FUT9: variants seen among roughly 807,000 people sequenced by gnomAD.
FUT9 encodes the protein 4-galactosyl-N-acetylglucosaminide 3-alpha-L-fucosyltransferase 9.
FUT9 carries 15 observed loss-of-function variants against 29.7 expected under a neutral mutation model. The ratio of observed to expected loss-of-function variants is 0.51; its 90% CI spans 0.34 to 0.78. The LOEUF is 0.78. Ranked by LOEUF, FUT9 falls within the 30% of genes least tolerant of loss-of-function variation. FUT9 has a pLI of 0.01. For synonymous variants in FUT9, 169 were observed against 153.7 expected (o/e 1.10, Z -0.74); for missense variants, 319 against 425.4 (o/e 0.75, Z 2.20).
chr6:96,149,185 C>T (rs1212672106), intron 2 of FUT9, among the ~76,000 whole-genome samples: 1 of 151,424 alleles, frequency 6.6e-6, no homozygotes, highest in African/African-American at 2.4e-5. Context: ...TTTTGAACTA[C>T]TTGAAAATAA....
chr6:96,193,988 G>A (rs1432190031), intron 2 of FUT9, among the ~76,000 whole-genome samples: 2 of 152,138 alleles, frequency 1.3e-5, no homozygotes, highest in South Asian at 2.1e-4. Context: ...TCACTCATAG[G>A]TGGGAATTGA....
At chr6:96,143,907 GC>G (rs35860924) in intron 2 of FUT9, among the ~76,000 whole-genome samples, 30,218 of 152,034 alleles carry the variant, frequency 0.2, 3,452 homozygotes, top group East Asian at 0.31. Context: ...CCACCCAACT[GC>G]TTTTAATTTT....
chr6:96,179,023 G>A (rs534533694), intron 2 of FUT9, among the ~76,000 whole-genome samples: 7 of 152,088 alleles, frequency 4.6e-5, no homozygotes, highest in African/African-American at 1.7e-4. Context: ...AAGAATCTGG[G>A]TCTTATTTTA....
intron 1 of FUT9, among the ~76,000 whole-genome samples, chr6:96,081,204 A>T (rs534429700): frequency 6.6e-6 from 1 of 152,010 alleles, no homozygotes; most frequent in Non-Finnish European, 1.5e-5. Context: ...TAAATAAAAC[A>T]ATATCAATAA....
At chr6:96,194,378 GGACTACT>G (rs1180462901) in intron 2 of FUT9, among the ~76,000 whole-genome samples, 8 of 152,050 alleles carry the variant, frequency 5.3e-5, no homozygotes, top group African/African-American at 1.9e-4. Flanking sequence ...CATCCTTTGA[GGACTACT>G]GATCTACTCT....
At chr6:96,022,315 C>T (rs563797965) in intron 1 of FUT9, among the ~76,000 whole-genome samples, 1 of 152,094 alleles carries the variant, frequency 6.6e-6, no homozygotes, top group South Asian at 2.1e-4. Flanking sequence ...TTTGAAGAGG[C>T]TGCATGAAGG....
intron 1 of FUT9, among the ~76,000 whole-genome samples, chr6:96,098,365 A>G (rs966810201): frequency 1.3e-5 from 2 of 152,138 alleles, no homozygotes; most frequent in Non-Finnish European, 2.9e-5. Flanking sequence ...AGATTCAAGT[A>G]ATGTTCCAGG....
At chr6:96,188,708 T>A (rs1339088794) in intron 2 of FUT9, among the ~76,000 whole-genome samples, 1 of 35,298 alleles carries the variant, frequency 2.8e-5, no homozygotes, top group Non-Finnish European at 1.0e-4. Context: ...TATATATTAT[T>A]TGATATATAT....
chr6:96,050,381 TA>T (rs1238460888), intron 1 of FUT9, among the ~76,000 whole-genome samples: 1 of 152,232 alleles, frequency 6.6e-6, no homozygotes, highest in South Asian at 2.1e-4. Flanking sequence ...TCATTCCATT[TA>T]ATTAAAAATG....
chr6:96,119,093 G>A (rs1035610641), intron 2 of FUT9, among the ~76,000 whole-genome samples: 1 of 152,006 alleles, frequency 6.6e-6, no homozygotes, highest in Non-Finnish European at 1.5e-5. Flanking sequence ...CCTTTTTATA[G>A]GTTTAATATA....
intron 1 of FUT9, among the ~76,000 whole-genome samples, chr6:96,085,679 A>C (rs914022499): frequency 1.3e-5 from 2 of 152,166 alleles, no homozygotes; most frequent in African/African-American, 4.8e-5. Context: ...GGTTCTCAAC[A>C]CATCATAAAT....
intron 2 of FUT9, among the ~76,000 whole-genome samples, chr6:96,192,416 A>G (rs4840236): frequency 0.91 from 138,704 of 151,986 alleles, 64,648 homozygotes; most frequent in Non-Finnish European, 1. Context: ...TAACTGACAA[A>G]CAGAGAGCGA....
At chr6:96,161,192 T>C (rs899666793) in intron 2 of FUT9, among the ~76,000 whole-genome samples, 7 of 152,136 alleles carry the variant, frequency 4.6e-5, no homozygotes, top group African/African-American at 1.7e-4. Flanking sequence ...CCAAATGTGA[T>C]GATATTAAGA....
chr6:96,105,614 A>C (rs911468271), intron 1 of FUT9, among the ~76,000 whole-genome samples: 7 of 152,196 alleles, frequency 4.6e-5, no homozygotes, highest in African/African-American at 1.7e-4. Context: ...CTGTGTCTTA[A>C]GTTTTCTAAT....
intron 2 of FUT9, among the ~76,000 whole-genome samples, chr6:96,171,907 C>T (rs1367523003): frequency 6.6e-6 from 1 of 152,106 alleles, no homozygotes; most frequent in East Asian, 1.9e-4. Context: ...TATGTAAGAC[C>T]TTTTATGGTT....
intron 1 of FUT9, among the ~76,000 whole-genome samples, chr6:96,112,171 A>C (rs1254262684): frequency 6.6e-6 from 1 of 152,172 alleles, no homozygotes; most frequent in Non-Finnish European, 1.5e-5. Context: ...GATTTGACCC[A>C]CGGCTACCAA....
At chr6:96,071,994 C>T (rs933628105) in intron 1 of FUT9, among the ~76,000 whole-genome samples, 1 of 152,044 alleles carries the variant, frequency 6.6e-6, no homozygotes, top group Non-Finnish European at 1.5e-5. Flanking sequence ...AAAATGCTCT[C>T]TATGAATTAT....
intron 1 of FUT9, among the ~76,000 whole-genome samples, chr6:96,049,964 A>C (rs539168551): frequency 6.6e-6 from 1 of 152,294 alleles, no homozygotes; most frequent in Non-Finnish European, 1.5e-5. Context: ...CATCTTAAAA[A>C]TTAGAAAACT....
chr6:96,153,230 G>A (rs1772714487), intron 2 of FUT9, among the ~76,000 whole-genome samples: 1 of 152,138 alleles, frequency 6.6e-6, no homozygotes, highest in Non-Finnish European at 1.5e-5. Flanking sequence ...AACTTTTGAA[G>A]AGCATCAGAA....
Sources: allele counts gnomAD v4.1 joint callset (sites outside exome capture counted in the v4.1 genomes callset), GRCh38; gene constraint gnomAD v4.1.1; transcripts MANE v1.5; gene names NCBI Gene and HGNC (gene_info 2026-07-23, HGNC 2026-07-21).